The following PHACTR2 variants were observed in gnomAD, a reference collection of about 807,000 sequenced individuals.
PHACTR2 encodes chromosome 6 open reading frame 56.
A neutral mutation model predicts 76.0 loss-of-function variants in PHACTR2; 30 were observed. The ratio of observed to expected loss-of-function variants is 0.39; its 90% CI spans 0.30 to 0.54. The LOEUF (loss-of-function observed/expected upper bound fraction) is 0.54. Among genes scored for constraint, PHACTR2 ranks in the 20% least tolerant of loss-of-function variants. The pLI is 0.61. For synonymous variants in PHACTR2, 292 were observed against 292.5 expected, an observed-to-expected ratio of 1.00 and a Z score of 0.02; for missense variants, 696 against 781.1, an observed-to-expected ratio of 0.89 and a Z score of 1.30.
At chr6:143,734,448 A>G (rs1463232981) in intron 2 of PHACTR2, among the ~76,000 whole-genome samples, 1 of 152,240 alleles carries the variant, frequency 6.6e-6, no homozygotes, top group Non-Finnish European at 1.5e-5. Flanking sequence ...TAGTATCTCA[A>G]GTCTCCCGTC....
At chr6:143,749,096 T>C (rs1779131086) in intron 3 of PHACTR2, 31 bp downstream of exon 3, 2 of 1,171,990 alleles carry the variant, frequency 1.7e-6, no homozygotes, top group South Asian at 2.6e-5. Flanking sequence ...TTTTAAATAT[T>C]TTGGTCCTTC....
At position 143,597,909 on chromosome 6, in the gene PHACTR2, C is replaced by A. The variant is rs577554645; in HGVS notation, c.217+60702C>A. ...GCCCTTCCTGATGCTCCTCCTACCA[C>A]CTGCCATATTTTCTACCTGTTACTC... On this transcript the variant is annotated intron_variant, in intron 1 of 11. Coordinates refer to the PHACTR2 transcript ENST00000367584. The surrounding 1 kb of genome is among the most constrained non-coding windows in gnomAD (Gnocchi z 5.7). 2.8e-4 allele frequency among the ~76,000 whole-genome samples: 42 copies of A among 152,312 alleles called. No homozygotes were observed. The highest frequency in any genetic ancestry group is 7.9e-4 in the African/African-American group (33 of 41,562).
intron 1 of PHACTR2, among the ~76,000 whole-genome samples, chr6:143,665,419 T>C (rs939994151): frequency 6.6e-6 from 1 of 152,226 alleles, no homozygotes; most frequent in African/African-American, 2.4e-5. Flanking sequence ...GTTTTTATTC[T>C]GTATTTGGAA....
rs1776685879 is a variant in PHACTR2, at chr6:143,647,785, G to C, written c.13+39463G>C. On this transcript the variant is annotated intron_variant, in intron 1 of 11. Transcript: ENST00000305766. The surrounding 1 kb of genome is among the most constrained non-coding windows in gnomAD (Gnocchi z 4.2). Reference sequence around the variant, plus strand: ...CCCCCTGTGCTGGGAATAGGCTTGTGTCTGAGAACCACAAAAAAAGCCAGT... The same window carrying C: ...CCCCCTGTGCTGGGAATAGGCTTGTCTCTGAGAACCACAAAAAAAGCCAGT... Among the ~76,000 whole-genome samples the C allele has an allele frequency of 6.6e-6, 1 of 152,190 alleles. No homozygotes were observed.
rs1776138146 is a variant in PHACTR2 at position 143,809,724 on chromosome 6, A to G, written c.1922+2591A>G. Among the ~76,000 whole-genome samples, 1 of 151,826 alleles carries G rather than the reference A, an allele frequency of 6.6e-6. No individual in the cohort carries two copies. The highest frequency in any genetic ancestry group is 1.5e-5 in the Non-Finnish European group (1 of 67,964). ...AATGTGTGTATGTGTGTATATATAT[A>G]TATATATTAAATATGTGTATGTACA... is the stretch of plus-strand genomic sequence containing the variant. On this transcript the variant is annotated intron_variant, in intron 12 of 12. Transcript: ENST00000440869. The surrounding 1 kb of genome is among the most constrained non-coding windows in gnomAD (Gnocchi z 4.2).
rs1349737009 is a variant in PHACTR2, at chr6:143,783,888, G to A, written c.1707+608G>A. On this transcript the variant is annotated intron_variant, in intron 10 of 12. Coordinates refer to ENST00000440869, the MANE Select transcript of PHACTR2 (RefSeq NM_001100164.2). The surrounding 1 kb of genome is among the most constrained non-coding windows in gnomAD (Gnocchi z 5.2). ...AAATTGTTTTGAGTCAGGTGCAATG[G>A]CACGCACCTGTAGTCCCAGCTACTT... is the stretch of plus-strand genomic sequence containing the variant. Among the ~76,000 whole-genome samples the A allele has an allele frequency of 1.3e-5, 2 of 151,932 alleles. No homozygotes were observed. The highest frequency in any genetic ancestry group is 2.9e-5 in the Non-Finnish European group (2 of 67,976).
chr6:143,579,342 T>C (rs1399060296), intron 1 of PHACTR2, among the ~76,000 whole-genome samples: 1 of 152,100 alleles, frequency 6.6e-6, no homozygotes, highest in Non-Finnish European at 1.5e-5. Flanking sequence ...TAAAGGAGAC[T>C]TATGGGCCAA....
intron 1 of PHACTR2, among the ~76,000 whole-genome samples, chr6:143,665,971 C>T (rs906963060): frequency 6.6e-6 from 1 of 152,040 alleles, no homozygotes; most frequent in African/African-American, 2.4e-5. Flanking sequence ...TTGCTGCACC[C>T]ATAAACCCGT....
At chr6:143,792,314 T>C (rs568410296) in intron 11 of PHACTR2, among the ~76,000 whole-genome samples, 16 of 152,126 alleles carry the variant, frequency 1.1e-4, no homozygotes, top group Non-Finnish European at 2.1e-4. Flanking sequence ...GCATTTTAAT[T>C]GTTTTTCAAT....
At chr6:143,608,094 A>G, upstream of PHACTR2, 1 of 594,558 alleles carries the variant, frequency 1.7e-6, no homozygotes, top group East Asian at 2.8e-5. The surrounding 1 kb of genome is among the most constrained non-coding windows in gnomAD (Gnocchi z 4.6). Context: ...TGATAGGCTC[A>G]GTCTCTCTTA....
At position 143,791,397 on chromosome 6, in the gene PHACTR2, T is replaced by C. The variant is rs1414375857; in HGVS notation, c.1845+2487T>C. On this transcript the variant is annotated intron_variant, in intron 11 of 12. Transcript: ENST00000440869. This position sits in a 1 kb window ranked among gnomAD's most constrained non-coding sequence, Gnocchi z 4.7. Reference sequence around the variant, plus strand: ...TCTGTGTGTCAGTGATTTGCAACCTTGGCTACAAATTGGAATCACCTATAG... The same window carrying C: ...TCTGTGTGTCAGTGATTTGCAACCTCGGCTACAAATTGGAATCACCTATAG... Among the ~76,000 whole-genome samples, 3 of 152,230 alleles carry C rather than the reference T, an allele frequency of 2.0e-5. No homozygotes were observed. The highest frequency in any genetic ancestry group is 4.4e-5 in the Non-Finnish European group (3 of 68,048).
rs1187254820 is a variant in PHACTR2, at chr6:143,549,089, C to T, written c.217+11882C>T. ...AGATTGACATGGTGCCTGATCTCCT[C>T]CCCAGCGAACATGCCAGTCTGTAGG... is the stretch of plus-strand genomic sequence containing the variant. On this transcript the variant is annotated intron_variant, in intron 1 of 11. Coordinates refer to the PHACTR2 transcript ENST00000367584. This position sits in a 1 kb window ranked among gnomAD's most constrained non-coding sequence, Gnocchi z 4.2. Among the ~76,000 whole-genome samples, 8 of 151,946 alleles carry T rather than the reference C, an allele frequency of 5.3e-5. No individual in the cohort carries two copies. The highest frequency in any genetic ancestry group is 1.2e-4 in the Non-Finnish European group (8 of 67,940).
chr6:143,604,485 C>T (rs1263280108), upstream of PHACTR2, among the ~76,000 whole-genome samples: 2 of 152,152 alleles, frequency 1.3e-5, no homozygotes, highest in African/African-American at 2.4e-5. Flanking sequence ...CTTTATCCCC[C>T]TGGGCTCGAA....
rs1395496712 is a variant in PHACTR2 at position 143,774,663 on chromosome 6, A to G, written c.1589+448A>G. Among the ~76,000 whole-genome samples, 2 of 152,198 alleles carry G rather than the reference A, an allele frequency of 1.3e-5. No individual in the cohort carries two copies. The highest frequency in any genetic ancestry group is 1.3e-4 in the Admixed American group (2 of 15,270). ...TCCTGGCCTAATTTATGGACTCACT[A>G]GCATTCCTGGGAATGCCATGAGGTT... On this transcript the variant is annotated intron_variant, in intron 8 of 12. Transcript: ENST00000440869. This position sits in a 1 kb window ranked among gnomAD's most constrained non-coding sequence, Gnocchi z 5.4.
intron 1 of PHACTR2, among the ~76,000 whole-genome samples, chr6:143,603,139 C>CT (rs1333966981): frequency 9.4e-6 from 1 of 106,882 alleles, no homozygotes; most frequent in Non-Finnish European, 1.8e-5. Flanking sequence ...GAGCAAGACT[C>CT]TGTCTCAAAA....
chr6:143,822,626 C>A lies in PHACTR2; in HGVS notation c.1923-1048C>A, dbSNP rs1776447122. 6.6e-6 allele frequency among the ~76,000 whole-genome samples: 1 copy of A among 152,148 alleles called. No individual in the cohort carries two copies. Among genetic ancestry groups the A allele is most frequent in the Admixed American group, 6.6e-5 (1 of 15,264 alleles). ...TGGAGAGAGCCTGGGACAGGGAAAC[C>A]AATTAGGAGACTGGCTGACCAGAGC... On this transcript the variant is annotated intron_variant, in intron 12 of 12. Transcript: ENST00000440869. The surrounding 1 kb of genome is among the most constrained non-coding windows in gnomAD (Gnocchi z 5.5).
At position 143,827,563 on chromosome 6, in the gene PHACTR2, C is replaced by A. The variant is rs184964772; in HGVS notation, c.*3874C>A. Reference sequence around the variant, plus strand: ...AATATATATGAATTCATGTCATTTACCCCTGAGTATGGTAGAATTGTTAAA... The same window carrying A: ...AATATATATGAATTCATGTCATTTAACCCTGAGTATGGTAGAATTGTTAAA... On this transcript the variant is annotated 3_prime_UTR_variant, in exon 13 of 13. Coordinates refer to ENST00000440869, the MANE Select transcript of PHACTR2 (RefSeq NM_001100164.2). 1.3e-5 allele frequency: 2 copies of A among 152,128 alleles called. No individual in the cohort carries two copies. The highest frequency in any genetic ancestry group is 4.8e-5 in the African/African-American group (2 of 41,494). 9.4% of individuals were successfully genotyped at this position (152,128 alleles called of 1,614,324 possible). A position where few individuals can be genotyped will look rare whatever the true frequency, so the allele number is the denominator to read the frequency against.
intron 1 of PHACTR2, among the ~76,000 whole-genome samples, chr6:143,545,402 G>A (rs376952441): frequency 2.0e-5 from 3 of 152,168 alleles, no homozygotes; most frequent in Non-Finnish European, 2.9e-5. Flanking sequence ...CCCCAGCCAC[G>A]GGGACTCTGC....
chr6:143,560,882 G>GGTGTGTGTGTGTGTGTGTGT lies in PHACTR2; in HGVS notation c.217+23700_217+23719dup, dbSNP rs36070460. ...TGGGATATAAAATGCAAAGCAGAGG[G>GGTGTGTGTGTGTGTGTGTGT]GTGTGTGTGTGTGTGTGTGTGTGTG... is the stretch of plus-strand genomic sequence containing the variant. On this transcript the variant is annotated intron_variant, in intron 1 of 11. Transcript: ENST00000367584. Among the ~76,000 whole-genome samples, 6 of 133,094 alleles carry GGTGTGTGTGTGTGTGTGTGT rather than the reference G, an allele frequency of 4.5e-5. No homozygotes were observed. The South Asian group carries it at 1.5e-3, about 34-fold the overall frequency. 87.3% of individuals were successfully genotyped at this position (133,094 alleles called of 152,430 possible).
Sources: gnomAD v4.1 joint callset for allele counts (sites outside exome capture counted in the v4.1 genomes callset) on GRCh38, gnomAD v4.1.1 for gene constraint, Gnocchi (gnomAD v3.1) non-coding constraint, MANE v1.5 for transcripts, NCBI Gene and HGNC (gene_info 2026-07-23, HGNC 2026-07-21) for gene names.